The following HTR4 variants were observed in gnomAD, a reference collection of about 807,000 sequenced individuals.
HTR4 encodes 5-hydroxytryptamine receptor 4.
HTR4 carries 16 observed loss-of-function variants against 36.8 expected under a neutral mutation model. That is an observed-to-expected ratio of 0.43 (90% CI 0.29 to 0.66). The LOEUF (loss-of-function observed/expected upper bound fraction) is 0.66, where lower values mean the gene tolerates loss of function less well. HTR4 is among the 30% of genes least tolerant of loss of function. HTR4 has a pLI of 0.13. For synonymous variants in HTR4, 189 were observed against 185.1 expected (o/e 1.02, Z -0.17); for missense variants, 438 against 490.9 (o/e 0.89, Z 1.02).
intron 2 of HTR4, among the ~76,000 whole-genome samples, chr5:148,601,575 T>G (rs1761996960): frequency 6.6e-6 from 1 of 151,566 alleles, no homozygotes; most frequent in African/African-American, 2.4e-5. Context: ...CTGAGAGGGG[T>G]GGATATCTTG....
intron 6 of HTR4, among the ~76,000 whole-genome samples, chr5:148,502,499 C>G (rs182285007): frequency 6.6e-6 from 1 of 152,078 alleles, no homozygotes; most frequent in Non-Finnish European, 1.5e-5. Flanking sequence ...CCCATCTGTA[C>G]GTCACTATGA....
chr5:148,548,028 A>T (rs76376708), intron 4 of HTR4, among the ~76,000 whole-genome samples: 490 of 152,342 alleles, frequency 3.2e-3, no homozygotes, highest in African/African-American at 0.011. Flanking sequence ...TGATAAATAC[A>T]TAAATCTGCA....
intron 2 of HTR4, among the ~76,000 whole-genome samples, chr5:148,582,724 A>T (rs542748075): frequency 6.6e-6 from 1 of 152,242 alleles, no homozygotes; most frequent in South Asian, 2.1e-4. Flanking sequence ...TTCACTCATG[A>T]TTTGGCTCTC....
intron 2 of HTR4, among the ~76,000 whole-genome samples, chr5:148,582,722 T>C (rs928003246): frequency 3.3e-5 from 5 of 152,296 alleles, no homozygotes; most frequent in African/African-American, 1.2e-4. Context: ...AGTTCACTCA[T>C]GATTTGGCTC....
At chr5:148,493,124 A>G (rs888263735) in intron 6 of HTR4, among the ~76,000 whole-genome samples, 3 of 152,206 alleles carry the variant, frequency 2.0e-5, no homozygotes, top group African/African-American at 7.2e-5. Context: ...GTTCTTTTAA[A>G]GTTTTTATTC....
chr5:148,641,475 G>A (rs545404527), intron 1 of HTR4, among the ~76,000 whole-genome samples: 13 of 152,304 alleles, frequency 8.5e-5, no homozygotes, highest in African/African-American at 3.1e-4. Flanking sequence ...GATGGGCGAG[G>A]AGTTAAGCAA....
intron 2 of HTR4, among the ~76,000 whole-genome samples, chr5:148,588,527 C>CTTTTTTTTTTTTTTTTTTTTTT: frequency 9.1e-6 from 1 of 110,138 alleles, no homozygotes; most frequent in Non-Finnish European, 1.8e-5. Context: ...GGTTTTAATT[C>CTTTTTTTTTTTTTTTTTTTTTT]TTTTTTTTTT....
intron 6 of HTR4, among the ~76,000 whole-genome samples, chr5:148,500,059 A>G (rs950044027): frequency 2.0e-5 from 3 of 152,166 alleles, no homozygotes; most frequent in Non-Finnish European, 4.4e-5. Context: ...ACCCAGCCTC[A>G]AGTATTCATT....
intron 1 of HTR4, among the ~76,000 whole-genome samples, chr5:148,637,946 GA>G (rs1753602835): frequency 1.3e-5 from 2 of 152,030 alleles, no homozygotes; most frequent in South Asian, 4.1e-4. Context: ...GAAGAGATTG[GA>G]AAAAAATAAT....
At chr5:148,600,608 A>G (rs1761955628) in intron 2 of HTR4, among the ~76,000 whole-genome samples, 1 of 151,776 alleles carries the variant, frequency 6.6e-6, no homozygotes, top group South Asian at 2.1e-4. Context: ...ACAAATTAAG[A>G]AAACAATCCC....
At position 148,501,977 on chromosome 5, in the gene HTR4, G is replaced by A. The variant is rs1047903254; in HGVS notation, c.1076+7479C>T. 1.2e-4 allele frequency among the ~76,000 whole-genome samples: 18 copies of A among 151,822 alleles called. 1 individual carries two copies. Among genetic ancestry groups the A allele is most frequent in the South Asian group, 4.2e-4 (2 of 4,802 alleles). On this transcript the variant is annotated intron_variant, in intron 6 of 6. Coordinates refer to ENST00000377888, the MANE Select transcript of HTR4 (RefSeq NM_000870.7). ...GGGGAGGATGAGGAAAGAGAATGGC[G>A]TGAACCTGGGAGGCAGAGCTTGCAG...
chr5:148,494,986 C>T (rs1427546898), intron 6 of HTR4, among the ~76,000 whole-genome samples: 1 of 152,132 alleles, frequency 6.6e-6, no homozygotes, highest in Admixed American at 6.5e-5. Flanking sequence ...AGCCAAGAAC[C>T]AAGTTAGATA....
chr5:148,465,067 G>C (rs564750121), intron 5 of HTR4, among the ~76,000 whole-genome samples: 1 of 152,286 alleles, frequency 6.6e-6, no homozygotes, highest in African/African-American at 2.4e-5. Flanking sequence ...CAGAGGTTGG[G>C]GTGGGGGAGG....
At chr5:148,508,759 G>T (rs992916152) in intron 6 of HTR4, among the ~76,000 whole-genome samples, 1 of 151,534 alleles carries the variant, frequency 6.6e-6, no homozygotes, top group African/African-American at 2.4e-5. Context: ...GTTATTTATG[G>T]CCATATTAGG....
downstream of HTR4, among the ~76,000 whole-genome samples, chr5:148,476,235 T>C (rs536555839): frequency 5.6e-4 from 85 of 152,350 alleles, no homozygotes; most frequent in African/African-American, 2.0e-3. Flanking sequence ...GATGCCATTA[T>C]TGGTGAAATG....
intron 4 of HTR4, among the ~76,000 whole-genome samples, chr5:148,544,383 T>C (rs1759280491): frequency 6.6e-6 from 1 of 152,054 alleles, no homozygotes; most frequent in South Asian, 2.1e-4. Context: ...ATCTCTATAT[T>C]TATTTTACAA....
intron 6 of HTR4, among the ~76,000 whole-genome samples, chr5:148,505,631 C>T (rs1349913409): frequency 2.0e-5 from 3 of 152,208 alleles, no homozygotes; most frequent in African/African-American, 2.4e-5. Flanking sequence ...ACCCCATCGT[C>T]TCAGCCCAAA....
At chr5:148,599,909 CTA>C (rs1325914535) in intron 2 of HTR4, among the ~76,000 whole-genome samples, 1 of 151,432 alleles carries the variant, frequency 6.6e-6, no homozygotes, top group East Asian at 1.9e-4. Flanking sequence ...ATTTTAATCT[CTA>C]TAATAACCAT....
chr5:148,508,390 T>C (rs1047947139), intron 6 of HTR4, among the ~76,000 whole-genome samples: 7 of 152,182 alleles, frequency 4.6e-5, no homozygotes, highest in African/African-American at 1.7e-4. Flanking sequence ...CAGAAAAGTC[T>C]CAGGGTTTGG....
Sources: allele counts gnomAD v4.1 joint callset (sites outside exome capture counted in the v4.1 genomes callset), GRCh38; gene constraint gnomAD v4.1.1; transcripts MANE v1.5; gene names NCBI Gene and HGNC (gene_info 2026-07-23, HGNC 2026-07-21).